MDGA2: variants seen among roughly 807,000 people sequenced by gnomAD.
MDGA2 encodes the protein MAM domain-containing glycosylphosphatidylinositol anchor protein 2.
MDGA2 carries 40 observed loss-of-function variants against 117.8 expected under a neutral mutation model. The observed-to-expected ratio is 0.34, with a 90% confidence interval of 0.26 to 0.44. The LOEUF is 0.44. MDGA2 is among the 20% of genes least tolerant of loss of function. The probability of loss-of-function intolerance (pLI) is 1.00; values close to 1 mark genes in which losing one functional copy is unlikely to be tolerated. For missense variants in MDGA2, 1,123 were observed against 1,250.6 expected (o/e 0.90, Z 1.54); for synonymous variants, 452 against 439.0 (o/e 1.03, Z -0.37).
intron 8 of MDGA2, among the ~76,000 whole-genome samples, chr14:47,010,523 A>T (rs890003789): frequency 1.3e-5 from 2 of 151,940 alleles, no homozygotes; most frequent in South Asian, 2.1e-4. Flanking sequence ...TATAAAACTG[A>T]TTATTTAAAT....
chr14:47,110,076 T>C (rs1028474513), intron 5 of MDGA2, among the ~76,000 whole-genome samples: 5 of 152,172 alleles, frequency 3.3e-5, no homozygotes, highest in Admixed American at 1.3e-4. Context: ...AGTTATTTCA[T>C]TGTTCTACCC....
chr14:47,381,208 T>C (rs938531748), intron 1 of MDGA2, among the ~76,000 whole-genome samples: 31 of 152,072 alleles, frequency 2.0e-4, no homozygotes, highest in African/African-American at 7.2e-4. Context: ...ATGGGACATA[T>C]CTCAAAATAA....
intron 2 of MDGA2, among the ~76,000 whole-genome samples, chr14:47,228,324 A>G (rs1886577193): frequency 6.6e-6 from 1 of 152,224 alleles, no homozygotes; most frequent in African/African-American, 2.4e-5. Flanking sequence ...CTCATTATAC[A>G]GTCTCTGACT....
chr14:46,996,830 C>T, intron 8 of MDGA2: 1 of 206,352 alleles, frequency 4.8e-6, no homozygotes, highest in South Asian at 8.6e-5. Flanking sequence ...AACATCATGC[C>T]CCTCAAGGAT....
rs386381280 is a variant in MDGA2 at position 46,981,178 on chromosome 14, G to GGT, written c.1820-23536_1820-23535insAC. ...CAGCACTTTGGGAGGCCAAGGGGGG[G>GGT]GCGGATCATGAGGTCAGGAGTTCGA... On this transcript the variant is annotated intron_variant, in intron 8 of 16. Transcript: ENST00000399232. 2.6e-5 allele frequency among the ~76,000 whole-genome samples: 4 copies of GGT among 151,694 alleles called. No homozygotes were observed. The South Asian group carries it at 6.3e-4, about 24-fold the overall frequency.
chr14:47,635,661 C>A (rs948254102), intron 1 of MDGA2, among the ~76,000 whole-genome samples: 7 of 152,106 alleles, frequency 4.6e-5, no homozygotes, highest in African/African-American at 1.7e-4. Context: ...GGACTGTGGC[C>A]ATTATCTGAT....
chr14:46,873,630 C>G, intron 13 of MDGA2, 39 bp from the exon 14 acceptor site: 2 of 1,532,418 alleles, frequency 1.3e-6, no homozygotes, highest in Non-Finnish European at 1.8e-6. Flanking sequence ...ACACATTATT[C>G]TTAGGCATAA....
chr14:47,378,167 C>T (rs935739416), intron 1 of MDGA2, among the ~76,000 whole-genome samples: 2 of 152,138 alleles, frequency 1.3e-5, no homozygotes, highest in African/African-American at 2.4e-5. Flanking sequence ...AGAAGGAAAA[C>T]TAACAAACAG....
chr14:46,954,994 G>A (rs1595066569), intron 9 of MDGA2, among the ~76,000 whole-genome samples: 1 of 151,900 alleles, frequency 6.6e-6, no homozygotes, highest in African/African-American at 2.4e-5. Context: ...GAAATGTGAT[G>A]GGACATAATG....
intron 1 of MDGA2, among the ~76,000 whole-genome samples, chr14:47,335,734 T>TTTTA (rs1255206359): frequency 4.2e-5 from 2 of 48,024 alleles, no homozygotes; most frequent in African/African-American, 1.5e-4. Flanking sequence ...CACATATATT[T>TTTTA]TATATATATA....
chr14:47,123,332 A>T (rs1203410215), intron 5 of MDGA2, among the ~76,000 whole-genome samples: 2 of 152,072 alleles, frequency 1.3e-5, no homozygotes, highest in Non-Finnish European at 2.9e-5. Flanking sequence ...ATAGAATTTT[A>T]AAAAATCTGG....
rs10220396 is a variant in MDGA2, at chr14:47,519,184, G to A, written c.280+155333C>T. Reference sequence around the variant, plus strand: ...CACACCATTTTACTCCAGCTTGGGCGATAGAGCAAGACTCAGTCTCAAAAA... The same window carrying A: ...CACACCATTTTACTCCAGCTTGGGCAATAGAGCAAGACTCAGTCTCAAAAA... On this transcript the variant is annotated intron_variant, in intron 1 of 16. Coordinates refer to ENST00000399232, the MANE Select transcript of MDGA2 (RefSeq NM_001113498.3). 5.8e-3 allele frequency among the ~76,000 whole-genome samples: 881 copies of A among 152,220 alleles called. 6 individuals carry two copies. The highest frequency in any genetic ancestry group is 1.0e-2 in the Non-Finnish European group (679 of 68,008).
At chr14:47,505,043 A>G (rs10144976) in intron 1 of MDGA2, among the ~76,000 whole-genome samples, 16,400 of 152,254 alleles carry the variant, frequency 0.11, 986 homozygotes, top group Middle Eastern at 0.15. Flanking sequence ...GTCATTTACA[A>G]TAACATGGAT....
chr14:46,957,235 T>C, intron 9 of MDGA2, 139 bp downstream of exon 9: 1 of 802,986 alleles, frequency 1.2e-6, no homozygotes, highest in Admixed American at 3.0e-5. Flanking sequence ...AATAAATTTG[T>C]AGAAACTCTA....
intron 5 of MDGA2, among the ~76,000 whole-genome samples, chr14:47,116,266 G>A (rs2416024): frequency 0.31 from 46,554 of 151,738 alleles, 7,674 homozygotes; most frequent in African/African-American, 0.42. Flanking sequence ...GTGAAACAGG[G>A]CACAAACAAA....
chr14:47,605,601 C>A (rs1211027193), intron 1 of MDGA2, among the ~76,000 whole-genome samples: 1 of 151,736 alleles, frequency 6.6e-6, no homozygotes, highest in East Asian at 1.9e-4. Flanking sequence ...AGGCAATGCC[C>A]AATGTTCCCA....
chr14:46,927,949 T>C (rs1454767044), intron 9 of MDGA2, among the ~76,000 whole-genome samples: 2 of 152,174 alleles, frequency 1.3e-5, no homozygotes, highest in African/African-American at 4.8e-5. Flanking sequence ...GGTTTACTGA[T>C]TAGTTAAATA....
At chr14:46,909,550 A>T (rs751633643) in intron 10 of MDGA2, among the ~76,000 whole-genome samples, 1 of 152,202 alleles carries the variant, frequency 6.6e-6, no homozygotes, top group East Asian at 1.9e-4. Flanking sequence ...TTTTATATCA[A>T]CACATAGAAG....
chr14:47,372,328 T>C (rs1891379573), intron 1 of MDGA2, among the ~76,000 whole-genome samples: 1 of 151,822 alleles, frequency 6.6e-6, no homozygotes, highest in Non-Finnish European at 1.5e-5. Context: ...GCACAAATGA[T>C]AAGCAAATGT....
Sources: allele counts gnomAD v4.1 joint callset (sites outside exome capture counted in the v4.1 genomes callset), GRCh38; gene constraint gnomAD v4.1.1; transcripts MANE v1.5; gene names NCBI Gene and HGNC (gene_info 2026-07-23, HGNC 2026-07-21).